Variants in CAMTA1 observed in about 807,000 individuals in gnomAD.
The protein encoded by CAMTA1 is calmodulin binding transcription activator 1, also known as calmodulin-binding transcription activator 1.
A neutral mutation model predicts 170.9 loss-of-function variants in CAMTA1; 27 were observed. The ratio of observed to expected loss-of-function variants is 0.16; its 90% CI spans 0.12 to 0.22. CAMTA1 has a LOEUF of 0.22. Ranked by LOEUF, CAMTA1 falls within the 10% of genes least tolerant of loss-of-function variation. The pLI, the probability that CAMTA1 is intolerant of heterozygous loss-of-function variation, is 1.00. For missense variants in CAMTA1, 1,619 were observed against 2,217.2 expected, an observed-to-expected ratio of 0.73 and a Z score of 5.42; for synonymous variants, 833 against 891.5, an observed-to-expected ratio of 0.93 and a Z score of 1.17.
At chr1:6,787,982 G>C (rs2147984831) in intron 1 of CAMTA1, among the ~76,000 whole-genome samples, 1 of 152,256 alleles carries the variant, frequency 6.6e-6, no homozygotes, top group East Asian at 1.9e-4. Flanking sequence ...TGTCCCTTTT[G>C]TATTTTGGCC....
At chr1:7,290,104 C>T (rs1209731297) in intron 5 of CAMTA1, among the ~76,000 whole-genome samples, 1 of 152,206 alleles carries the variant, frequency 6.6e-6, no homozygotes, top group Non-Finnish European at 1.5e-5. Flanking sequence ...TAGTGGGGAA[C>T]ATGTGAGGTG....
chr1:7,139,464 T>C (rs1329041595), intron 4 of CAMTA1, among the ~76,000 whole-genome samples: 1 of 151,848 alleles, frequency 6.6e-6, no homozygotes, highest in Non-Finnish European at 1.5e-5. Context: ...GCGATTCTGC[T>C]TTGCCCCTCC....
At chr1:6,941,247 C>T (rs1686554929) in intron 3 of CAMTA1, among the ~76,000 whole-genome samples, 1 of 152,232 alleles carries the variant, frequency 6.6e-6, no homozygotes, top group South Asian at 2.1e-4. Context: ...CAGTTGTCTG[C>T]GGGGCACTGG....
intron 1 of CAMTA1, among the ~76,000 whole-genome samples, chr1:6,794,880 C>CTTTTTTTTTTTTTTTTTTTTT (rs1305335139): frequency 1.2e-4 from 17 of 141,938 alleles, no homozygotes; most frequent in Middle Eastern, 3.6e-3. Flanking sequence ...TAGATAAAGG[C>CTTTTTTTTTTTTTTTTTTTTT]TTTTTTTTTG....
chr1:6,806,303 A>G (rs1299841514), intron 1 of CAMTA1, among the ~76,000 whole-genome samples: 1 of 152,012 alleles, frequency 6.6e-6, no homozygotes, highest in Non-Finnish European at 1.5e-5. Context: ...TCAGTCCTTT[A>G]ACTCTGTTCT....
At position 6,857,650 on chromosome 1, in the gene CAMTA1, A is replaced by T. The variant is rs1662946014; in HGVS notation, c.234+32440A>T. 2.6e-5 allele frequency among the ~76,000 whole-genome samples: 4 copies of T among 151,916 alleles called. No individual in the cohort carries two copies. In the South Asian group the frequency reaches 8.3e-4, roughly 32 times the overall value. ...AACTTTCATTGGGAGAGAGAGCTAG[A>T]CCATAGAGGGAAGAGAAGGCATTCG... On this transcript the variant is annotated intron_variant, in intron 3 of 22. Coordinates refer to ENST00000303635, the MANE Select transcript of CAMTA1 (RefSeq NM_015215.4).
At chr1:6,828,890 GTTTTTTTTTTTTT>G (rs1026284603) in intron 3 of CAMTA1, among the ~76,000 whole-genome samples, 1 of 101,996 alleles carries the variant, frequency 9.8e-6, no homozygotes, top group Non-Finnish European at 1.9e-5. Context: ...CTGTAACGTA[GTTTTTTTTTTTTT>G]TTTTTTTTTT....
At chr1:7,034,742 C>T (rs10864267) in intron 3 of CAMTA1, among the ~76,000 whole-genome samples, 44,162 of 151,978 alleles carry the variant, frequency 0.29, 6,725 homozygotes, top group African/African-American at 0.38. Flanking sequence ...GGGCTGACCT[C>T]GCCGTTCTTC....
chr1:7,104,175 T>C (rs1356945180), intron 4 of CAMTA1, among the ~76,000 whole-genome samples: 1 of 140,272 alleles, frequency 7.1e-6, no homozygotes, highest in Admixed American at 7.1e-5. Flanking sequence ...ACTACACACA[T>C]ATACACACAA....
intron 11 of CAMTA1, among the ~76,000 whole-genome samples, chr1:7,679,574 T>TGCCC (rs2096164041): frequency 1.2e-5 from 1 of 84,712 alleles, no homozygotes; most frequent in African/African-American, 4.3e-5. Flanking sequence ...GCTCCCTAGC[T>TGCCC]GCCCCCCCCC....
At chr1:7,684,985 C>T (rs945162590) in intron 11 of CAMTA1, among the ~76,000 whole-genome samples, 1 of 152,160 alleles carries the variant, frequency 6.6e-6, no homozygotes, top group South Asian at 2.1e-4. Context: ...AGGTTAGGCT[C>T]CGGGGACTCC....
chr1:7,512,769 G>T (rs2094219783), intron 6 of CAMTA1, among the ~76,000 whole-genome samples: 1 of 152,222 alleles, frequency 6.6e-6, no homozygotes, highest in African/African-American at 2.4e-5. Flanking sequence ...CCCAAAGCCA[G>T]CAGGACAAGC....
intron 4 of CAMTA1, among the ~76,000 whole-genome samples, chr1:7,115,912 G>T (rs762761108): frequency 6.6e-6 from 1 of 151,998 alleles, no homozygotes; most frequent in Non-Finnish European, 1.5e-5. Flanking sequence ...ACATGAGGAG[G>T]GCAACCTTCT....
chr1:6,804,704 T>C (rs1644312151), intron 1 of CAMTA1, among the ~76,000 whole-genome samples: 1 of 152,056 alleles, frequency 6.6e-6, no homozygotes, highest in African/African-American at 2.4e-5. Flanking sequence ...CTTCATCCCT[T>C]TTTTAAAATT....
At chr1:7,048,174 TGCTG>T (rs1301046462) in intron 3 of CAMTA1, among the ~76,000 whole-genome samples, 1 of 152,160 alleles carries the variant, frequency 6.6e-6, no homozygotes, top group Non-Finnish European at 1.5e-5. Flanking sequence ...TTTTCTCTTT[TGCTG>T]GCTGGCTGGC....
chr1:7,009,971 TC>T (rs1322881262), intron 3 of CAMTA1, among the ~76,000 whole-genome samples: 5 of 152,140 alleles, frequency 3.3e-5, no homozygotes, highest in African/African-American at 4.8e-5. Flanking sequence ...TGGAGCACCA[TC>T]CCTTGGAGGT....
At chr1:7,228,718 C>G (rs1028826806) in intron 4 of CAMTA1, among the ~76,000 whole-genome samples, 2 of 152,210 alleles carry the variant, frequency 1.3e-5, no homozygotes, top group African/African-American at 4.8e-5. Flanking sequence ...GCCAGCAGAG[C>G]AGGAGGCAGT....
At chr1:7,672,119 G>A (rs534830512) in intron 10 of CAMTA1, 1 of 453,884 alleles carries the variant, frequency 2.2e-6, no homozygotes, top group Non-Finnish European at 4.4e-6. Flanking sequence ...GGATGCAGGG[G>A]TGCGGAACGG....
chr1:7,620,942 G>A (rs1388541284), intron 6 of CAMTA1, among the ~76,000 whole-genome samples: 1 of 152,218 alleles, frequency 6.6e-6, no homozygotes, highest in Non-Finnish European at 1.5e-5. Context: ...GGAGGTGTTG[G>A]AGGAGGCAGC....
Sources: gnomAD v4.1 joint callset for allele counts (sites outside exome capture counted in the v4.1 genomes callset) on GRCh38, gnomAD v4.1.1 for gene constraint, MANE v1.5 for transcripts, NCBI Gene and HGNC (gene_info 2026-07-23, HGNC 2026-07-21) for gene names.